DIP2C: variants seen among roughly 807,000 people sequenced by gnomAD.
The protein encoded by DIP2C is disco-interacting protein 2 homolog C.
Under a neutral mutation model 192.4 loss-of-function variants are expected in DIP2C, and 33 were observed. That is an observed-to-expected ratio of 0.17 (90% CI 0.13 to 0.23). The LOEUF is 0.23. Among genes scored for constraint, DIP2C ranks in the 10% least tolerant of loss-of-function variants. The pLI is 1.00. For missense variants in DIP2C, 1,537 were observed against 2,110.1 expected (o/e 0.73, Z 5.32); for synonymous variants, 979 against 864.1 (o/e 1.13, Z -2.33).
intron 29 of DIP2C, among the ~76,000 whole-genome samples, chr10:338,112 AAATT>A (rs1321729725): frequency 1.3e-5 from 2 of 152,244 alleles, no homozygotes; most frequent in South Asian, 2.1e-4. Flanking sequence ...TAAAGGAGAT[AAATT>A]ATTTTTGTAT....
At chr10:657,233 A>G in intron 1 of DIP2C, among the ~76,000 whole-genome samples, 1 of 105,206 alleles carries the variant, frequency 9.5e-6, no homozygotes, top group African/African-American at 3.6e-5. Context: ...CTGCCCCTGG[A>G]CCTGCCGCTG....
intron 32 of DIP2C, among the ~76,000 whole-genome samples, chr10:299,804 A>G (rs1157361660): frequency 6.6e-6 from 1 of 152,230 alleles, no homozygotes; most frequent in East Asian, 1.9e-4. Flanking sequence ...GCCAAAAAAA[A>G]CTAAATGCAA....
chr10:532,403 T>C (rs1847423479), intron 1 of DIP2C, among the ~76,000 whole-genome samples: 1 of 152,178 alleles, frequency 6.6e-6, no homozygotes, highest in African/African-American at 2.4e-5. Flanking sequence ...CCAGCAAAAC[T>C]GGCCGCTGCA....
At chr10:583,474 G>C (rs1850791840) in intron 1 of DIP2C, among the ~76,000 whole-genome samples, 3 of 152,218 alleles carry the variant, frequency 2.0e-5, no homozygotes, top group South Asian at 2.1e-4. Context: ...TTCTCCTAGT[G>C]AACTTTCAAT....
intron 26 of DIP2C, among the ~76,000 whole-genome samples, chr10:346,650 A>ACACACCGCG (rs1958483849): frequency 8.2e-6 from 1 of 121,844 alleles, no homozygotes. Context: ...CCCAACCCAG[A>ACACACCGCG]CATATCGCGT....
chr10:337,403 C>CAGCTGTGTGTGTGTCGTGGAGGCCTAA (rs1957881443), intron 29 of DIP2C, among the ~76,000 whole-genome samples: 2 of 117,320 alleles, frequency 1.7e-5, no homozygotes, highest in Non-Finnish European at 3.4e-5. Flanking sequence ...TGGAGGCCTA[C>CAGCTGTGTGTGTGTCGTGGAGGCCTAA]GTAGCTGTGT....
intron 6 of DIP2C, among the ~76,000 whole-genome samples, chr10:418,276 A>G (rs1045983049): frequency 2.3e-5 from 3 of 130,956 alleles, no homozygotes; most frequent in African/African-American, 2.9e-5. Context: ...GGCCTCAGAT[A>G]GGCATCCCCG....
intron 1 of DIP2C, among the ~76,000 whole-genome samples, chr10:507,936 T>C (rs1444899596): frequency 1.3e-5 from 2 of 152,196 alleles, no homozygotes; most frequent in Admixed American, 1.3e-4. Flanking sequence ...ACAATCTTTT[T>C]CTGAAGACAG....
chr10:473,018 C>T (rs528001607), intron 2 of DIP2C, among the ~76,000 whole-genome samples: 1 of 152,010 alleles, frequency 6.6e-6, no homozygotes. Flanking sequence ...ATTCAGGTAA[C>T]CAGGACATAC....
intron 28 of DIP2C, among the ~76,000 whole-genome samples, chr10:343,440 C>T (rs1449043329): frequency 2.6e-5 from 4 of 152,224 alleles, no homozygotes; most frequent in Admixed American, 6.5e-5. Flanking sequence ...GGTGAGAGAA[C>T]TTGGAGGTGG....
In DIP2C at chr10:636,079, T is replaced by C. The variant is rs756260199; in HGVS notation, c.85+53415A>G. On this transcript the variant is annotated intron_variant, in intron 1 of 36. Transcript: ENST00000280886. The surrounding 1 kb of genome is among the most constrained non-coding windows in gnomAD (Gnocchi z 4.6). ...CCACATTCTTAATGACAATCCACAC[T>C]ACATGTGTGTTTCCAGCATCAACCT... Among the ~76,000 whole-genome samples, 27 of 152,182 alleles carry C rather than the reference T, an allele frequency of 1.8e-4. No individual in the cohort carries two copies. The highest frequency in any genetic ancestry group is 3.8e-4 in the Non-Finnish European group (26 of 68,036).
intron 24 of DIP2C, among the ~76,000 whole-genome samples, chr10:353,156 G>T (rs1255644477): frequency 1.7e-5 from 2 of 117,726 alleles, no homozygotes; most frequent in Admixed American, 9.7e-5. Flanking sequence ...CTGGGAGGCA[G>T]CATGACCGGA....
chr10:678,375 A>AT (rs1830945873), intron 1 of DIP2C, among the ~76,000 whole-genome samples: 1 of 152,166 alleles, frequency 6.6e-6, no homozygotes, highest in Middle Eastern at 3.4e-3. Flanking sequence ...AAAAGAAAGA[A>AT]TTTTTTAAAA....
chr10:581,370 G>A (rs1243882280), intron 1 of DIP2C, among the ~76,000 whole-genome samples: 1 of 152,182 alleles, frequency 6.6e-6, no homozygotes. Context: ...GCAGTCTTCT[G>A]CAAATATGAG....
chr10:585,509 G>A (rs557004530), intron 1 of DIP2C, among the ~76,000 whole-genome samples: 12 of 152,272 alleles, frequency 7.9e-5, no homozygotes, highest in East Asian at 3.9e-4. Context: ...CCAGGATCAC[G>A]GCCCAGGTGA....
chr10:445,573 C>A (rs1968110654), intron 3 of DIP2C, among the ~76,000 whole-genome samples: 1 of 150,916 alleles, frequency 6.6e-6, no homozygotes, highest in African/African-American at 2.4e-5. Flanking sequence ...CTGTATACAT[C>A]TGTTGTGAAG....
intron 17 of DIP2C, among the ~76,000 whole-genome samples, chr10:380,533 G>A (rs755372691): frequency 6.6e-6 from 1 of 152,246 alleles, no homozygotes; most frequent in Non-Finnish European, 1.5e-5. Flanking sequence ...ACAACACAGA[G>A]GAAACGGCCA....
intron 1 of DIP2C, among the ~76,000 whole-genome samples, chr10:537,471 C>T (rs1847753032): frequency 6.6e-6 from 1 of 152,184 alleles, no homozygotes; most frequent in Non-Finnish European, 1.5e-5. Context: ...CCTCTAATGC[C>T]CAAGGAAGCT....
chr10:304,964 CATAA>C (rs752718390), intron 32 of DIP2C, among the ~76,000 whole-genome samples: 12 of 152,330 alleles, frequency 7.9e-5, no homozygotes, highest in South Asian at 4.1e-4. Context: ...CGTGCAAAGC[CATAA>C]ATGTGTACAC....
Sources: gnomAD v4.1 joint callset for allele counts (sites outside exome capture counted in the v4.1 genomes callset) on GRCh38, gnomAD v4.1.1 for gene constraint, Gnocchi (gnomAD v3.1) non-coding constraint, MANE v1.5 for transcripts, NCBI Gene and HGNC (gene_info 2026-07-23, HGNC 2026-07-21) for gene names.